Variants in RAD51AP1 observed in about 807,000 individuals in gnomAD.
RAD51AP1 encodes the protein RAD51 associated protein 1, also known as RAD51-associated protein 1.
RAD51AP1 carries 14 observed loss-of-function variants against 34.3 expected under a neutral mutation model. The observed-to-expected ratio is 0.41, with a 90% confidence interval of 0.27 to 0.64. The LOEUF is 0.64. Ranked by LOEUF, RAD51AP1 falls within the 30% of genes least tolerant of loss-of-function variation. The pLI, the probability that RAD51AP1 is intolerant of heterozygous loss-of-function variation, is 0.33. For synonymous variants in RAD51AP1, 114 were observed against 129.8 expected (o/e 0.88, Z 0.83); for missense variants, 348 against 386.9 (o/e 0.90, Z 0.84).
intron 1 of RAD51AP1, 37 bp from the exon 2 acceptor site, chr12:4,541,847 C>T (rs759593242): frequency 8.3e-7 from 1 of 1,211,626 alleles, no homozygotes; most frequent in Non-Finnish European, 1.1e-6. Flanking sequence ...GAGAAATTGA[C>T]ATTTGTGTTA....
At chr12:4,556,249 T>G in intron 7 of RAD51AP1, 104 bp from the exon 8 acceptor site, 2 of 885,944 alleles carry the variant, frequency 2.3e-6, no homozygotes, top group Non-Finnish European at 1.8e-6. Flanking sequence ...TTAATAAGTT[T>G]ATTTTTTATA....
intron 3 of RAD51AP1, 60 bp from the exon 4 acceptor site, chr12:4,546,249 T>A: frequency 8.0e-7 from 1 of 1,247,236 alleles, no homozygotes; most frequent in Admixed American, 2.2e-5. Context: ...TCTCAAACTT[T>A]GCTCTTTAGT....
At chr12:4,554,565 GAC>G (rs1467678676) in intron 7 of RAD51AP1, among the ~76,000 whole-genome samples, 1 of 152,056 alleles carries the variant, frequency 6.6e-6, no homozygotes, top group African/African-American at 2.4e-5. Flanking sequence ...TCTTCACCAA[GAC>G]ACACTAATAA....
Position 4,553,084 on chromosome 12 carries a change from G to T in RAD51AP1, c.658G>T (p.Val220Leu). 6.2e-7 allele frequency: 1 copy of T among 1,607,222 alleles called. No individual in the cohort carries two copies. The highest frequency in any genetic ancestry group is 8.5e-7 in the Non-Finnish European group (1 of 1,177,154). ...AGTTAAAGAAATTAAAAAGAAAGAA[G>T]TGAAGGTAAAATCCCCAGTAGAAAA... The part of the protein sequence containing the change: ...SKVKEIKKKE[V>L]KVKSPVEKKE... Residue 220 changes from valine to leucine, a missense_variant, in exon 7 of 9, where the codon GTG becomes TTG. Transcript: ENST00000352618.
chr12:4,556,337 A>T lies in RAD51AP1; in HGVS notation c.722-16A>T. The T allele has an allele frequency of 6.3e-7, 1 of 1,593,084 alleles. No homozygotes were observed. The highest frequency in any genetic ancestry group is 8.6e-7 in the Non-Finnish European group (1 of 1,164,794). ...TCCTGCATGACAAACATTTTTACGT[A>T]TATTTTTCAAATAAGTGACTTCGGT... On this transcript the variant is annotated splice_polypyrimidine_tract_variant and intron_variant, in intron 7 of 8. Coordinates refer to ENST00000352618, the MANE Select transcript of RAD51AP1 (RefSeq NM_006479.5).
At position 4,553,799 on chromosome 12, in the gene RAD51AP1, A is replaced by G. The variant is rs770022655; in HGVS notation, c.721+652A>G. 1.1e-4 allele frequency among the ~76,000 whole-genome samples: 17 copies of G among 152,354 alleles called. No homozygotes were observed. The South Asian group carries it at 1.9e-3, about 17-fold the overall frequency. Reference sequence around the variant, plus strand: ...AGTATATGATAGGTTATTGCAAAATATAACTGTCATTAACTGAGTTTGTTT... The same window carrying G: ...AGTATATGATAGGTTATTGCAAAATGTAACTGTCATTAACTGAGTTTGTTT... On this transcript the variant is annotated intron_variant, in intron 7 of 8. Transcript: ENST00000352618.
chr12:4,546,685 C>T (rs1347526347), intron 4 of RAD51AP1, among the ~76,000 whole-genome samples: 1 of 152,154 alleles, frequency 6.6e-6, no homozygotes, highest in African/African-American at 2.4e-5. Flanking sequence ...TGTTGTTGTA[C>T]AGTGAACATT....
At position 4,548,713 on chromosome 12, in the gene RAD51AP1, G is replaced by T. The variant is rs779755530; in HGVS notation, c.433G>T (p.Asp145Tyr). 2 of 1,613,716 alleles carry T rather than the reference G, an allele frequency of 1.2e-6. No homozygotes were observed. The highest frequency in any genetic ancestry group is 1.7e-6 in the Non-Finnish European group (2 of 1,179,908). ...TTTGGATAAGATTACTGTGGAAGAT[G>T]ATGTTGGTGGTGTTCAAGGGAAAAG... ...LDLDKITVED[D>Y]VGGVQGKRKA... is the part of the protein sequence containing the mutation. The change falls in exon 6 of 9, where the codon GAT becomes TAT. Residue 145 changes from aspartate to tyrosine, a missense_variant. Physicochemically the swap from Asp to Tyr is radical, Grantham distance 160 (BLOSUM62 -3). Transcript: ENST00000352618.
intron 6 of RAD51AP1, among the ~76,000 whole-genome samples, chr12:4,549,225 CT>C (rs34311217): frequency 6.6e-6 from 1 of 151,754 alleles, no homozygotes. Context: ...GAAGTGTAGG[CT>C]TTTTTTTCCT....
intron 6 of RAD51AP1, among the ~76,000 whole-genome samples, chr12:4,551,130 C>T (rs1421835723): frequency 6.6e-6 from 1 of 151,994 alleles, no homozygotes; most frequent in African/African-American, 2.4e-5. Context: ...GCCGTCCCTC[C>T]TCCCCCCACC....
chr12:4,541,252 A>G (rs538866001), intron 1 of RAD51AP1, among the ~76,000 whole-genome samples: 1 of 152,330 alleles, frequency 6.6e-6, no homozygotes, highest in South Asian at 2.1e-4. Context: ...CAAAATCTGA[A>G]AAAATCCAAA....
chr12:4,549,426 C>G (rs1005316830), intron 6 of RAD51AP1, among the ~76,000 whole-genome samples: 2 of 151,954 alleles, frequency 1.3e-5, no homozygotes, highest in Admixed American at 6.6e-5. Flanking sequence ...ATCAAGATAC[C>G]ATATTTTAGA....
At chr12:4,542,787 G>A (rs1303041571) in intron 2 of RAD51AP1, among the ~76,000 whole-genome samples, 2 of 152,204 alleles carry the variant, frequency 1.3e-5, no homozygotes, top group African/African-American at 4.8e-5. Context: ...AGCCACAGCA[G>A]TAGTTTTACG....
At position 4,556,499 on chromosome 12, in the gene RAD51AP1, C is replaced by G; in HGVS notation, c.868C>G (p.Pro290Ala). ...AESKKPKWVP[P>A]AASGGSRSSS... ...AAGCAAGAAACCTAAATGGGTCCCA[C>G]CAGGTATGGCATATTTATCATCAAG... Residue 290 changes from proline to alanine, a missense_variant, in exon 8 of 9, where the codon CCA becomes GCA. By Grantham distance (27) the Pro-to-Ala change is conservative. Coordinates refer to ENST00000352618, the MANE Select transcript of RAD51AP1 (RefSeq NM_006479.5). The G allele has an allele frequency of 6.2e-7, 1 of 1,612,962 alleles. No homozygotes were observed. Among genetic ancestry groups the G allele is most frequent in the African/African-American group, 1.3e-5 (1 of 74,962 alleles).
At chr12:4,556,167 C>T (rs1944580789) in intron 7 of RAD51AP1, among the ~76,000 whole-genome samples, 186 bp from the exon 8 acceptor site, 1 of 152,114 alleles carries the variant, frequency 6.6e-6, no homozygotes, top group Non-Finnish European at 1.5e-5. Flanking sequence ...TGTGATATGC[C>T]TACCACACTG....
rs536630572 is a variant in RAD51AP1, at chr12:4,551,218, G to A, written c.557-1765G>A. Among the ~76,000 whole-genome samples the A allele has an allele frequency of 1.3e-3, 202 of 152,102 alleles. 1 individual carries two copies. Among genetic ancestry groups the A allele is most frequent in the African/African-American group, 3.8e-3 (159 of 41,464 alleles). On this transcript the variant is annotated intron_variant, in intron 6 of 8. Transcript: ENST00000352618. ...TCACATAAAATGCAAGAATATGGCC[G>A]GGCACAGTGGCTCACACCTGTAATC...
chr12:4,556,683 G>T lies in RAD51AP1; in HGVS notation c.871+181G>T, dbSNP rs1420031023. On this transcript the variant is annotated intron_variant, in intron 8 of 8. Transcript: ENST00000352618. ...CCATTCCTTATTATTGGACATCCAG[G>T]TTTATTATTTTTTCAGTGCTATAAA... 6.4e-5 allele frequency: 42 copies of T among 661,174 alleles called. No homozygotes were observed. The East Asian group carries it at 1.2e-3, about 19-fold the overall frequency. 41.0% of individuals were successfully genotyped at this position (661,174 alleles called of 1,614,324 possible).
At chr12:4,543,164 G>A (rs1043477647) in intron 2 of RAD51AP1, among the ~76,000 whole-genome samples, 1 of 152,076 alleles carries the variant, frequency 6.6e-6, no homozygotes, top group African/African-American at 2.4e-5. Context: ...AGGTTCAAGC[G>A]ATTCTCCCAC....
intron 1 of RAD51AP1, among the ~76,000 whole-genome samples, chr12:4,539,259 A>G (rs1396931394): frequency 6.6e-6 from 1 of 152,172 alleles, no homozygotes; most frequent in Admixed American, 6.5e-5. Flanking sequence ...TTATTTGTTT[A>G]TCACTGTAGT....
Sources: allele counts gnomAD v4.1 joint callset (sites outside exome capture counted in the v4.1 genomes callset), GRCh38; gene constraint gnomAD v4.1.1; transcripts MANE v1.5; gene names NCBI Gene and HGNC (gene_info 2026-07-23, HGNC 2026-07-21).